The following DCP1B variants were observed in gnomAD, a reference collection of about 807,000 sequenced individuals.
DCP1B encodes the protein mRNA-decapping enzyme 1B.
Under a neutral mutation model 60.5 loss-of-function variants are expected in DCP1B, and 47 were observed. The ratio of observed to expected loss-of-function variants is 0.78; its 90% confidence interval spans 0.61 to 0.99. The LOEUF is 0.99. DCP1B is among the 50% of genes least tolerant of loss of function. The probability of loss-of-function intolerance (pLI) is 0.00; values close to 1 mark genes in which losing one functional copy is unlikely to be tolerated. For missense variants in DCP1B, 725 were observed against 756.8 expected (o/e 0.96, Z 0.49); for synonymous variants, 267 against 280.3 (o/e 0.95, Z 0.47).
intron 3 of DCP1B, among the ~76,000 whole-genome samples, chr12:1,989,340 A>AAGAGC (rs546522826): frequency 6.6e-6 from 1 of 152,298 alleles, no homozygotes; most frequent in South Asian, 2.1e-4. Flanking sequence ...CTTGTCTCTA[A>AAGAGC]AGAGCAGAGC....
At chr12:2,000,354 G>A (rs1290062388) in intron 1 of DCP1B, among the ~76,000 whole-genome samples, 2 of 152,048 alleles carry the variant, frequency 1.3e-5, no homozygotes, top group Non-Finnish European at 2.9e-5. Flanking sequence ...ACCTTGGACT[G>A]TTTCATCTTA....
chr12:1,999,377 T>C (rs1007888760), intron 1 of DCP1B, among the ~76,000 whole-genome samples: 1 of 152,214 alleles, frequency 6.6e-6, no homozygotes, highest in Admixed American at 6.5e-5. Context: ...ACAAAATATT[T>C]AATCTCAAGA....
intron 5 of DCP1B, among the ~76,000 whole-genome samples, chr12:1,956,694 A>G (rs1408994362): frequency 6.6e-6 from 1 of 152,254 alleles, no homozygotes; most frequent in Non-Finnish European, 1.5e-5. Flanking sequence ...GTATGGCGGC[A>G]TGGACCAACT....
chr12:1,976,970 A>C (rs779009760), intron 3 of DCP1B, among the ~76,000 whole-genome samples: 3 of 152,208 alleles, frequency 2.0e-5, no homozygotes, highest in African/African-American at 7.2e-5. Flanking sequence ...AAGATTAGGA[A>C]CTACTATTTG....
intron 5 of DCP1B, among the ~76,000 whole-genome samples, chr12:1,964,577 T>C (rs1324679550): frequency 3.3e-5 from 5 of 152,242 alleles, no homozygotes; most frequent in Non-Finnish European, 7.3e-5. Flanking sequence ...AAATTTCTAA[T>C]ACATTTGGAA....
At chr12:1,951,199 C>T (rs1367731107) in intron 7 of DCP1B, among the ~76,000 whole-genome samples, 11 of 152,064 alleles carry the variant, frequency 7.2e-5, no homozygotes, top group Non-Finnish European at 1.2e-4. Flanking sequence ...CGCCTGAACC[C>T]GGGAGGTGGA....
chr12:1,978,065 G>T (rs1376817518), intron 3 of DCP1B, among the ~76,000 whole-genome samples: 1 of 152,180 alleles, frequency 6.6e-6, no homozygotes, highest in Non-Finnish European at 1.5e-5. Context: ...GAAGTGGAAG[G>T]TTAATTCCTT....
intron 1 of DCP1B, among the ~76,000 whole-genome samples, chr12:2,000,558 C>A (rs969125268): frequency 6.6e-6 from 1 of 151,804 alleles, no homozygotes; most frequent in East Asian, 1.9e-4. Context: ...AAATTAATCT[C>A]TAACTTATAA....
intron 3 of DCP1B, among the ~76,000 whole-genome samples, chr12:1,975,861 C>T (rs774356596): frequency 2.6e-5 from 4 of 152,094 alleles, no homozygotes; most frequent in Non-Finnish European, 2.9e-5. Flanking sequence ...AGGTTCTCTC[C>T]GTGAGTCCCC....
chr12:1,945,111 T>C (rs1458831648), downstream of DCP1B, among the ~76,000 whole-genome samples: 1 of 152,056 alleles, frequency 6.6e-6, no homozygotes, highest in African/African-American at 2.4e-5. Context: ...CATCAAAAAG[T>C]GGGCAAAGTA....
Position 2,004,375 on chromosome 12 carries a change from C to A in DCP1B, c.57G>T (p.Ala19=). The change falls in exon 1 of 9, where the codon GCG becomes GCT. Residue 19 remains alanine, a synonymous_variant. Coordinates refer to ENST00000280665, the MANE Select transcript of DCP1B (RefSeq NM_152640.5). ...LVGKGRDISL[A]ALQRHDPYIN... Reference sequence around the variant, plus strand: ...TATAGGGGTCGTGGCGCTGCAGGGCCGCTAGGCTGATGTCGCGCCCCTTTC... The same window carrying A: ...TATAGGGGTCGTGGCGCTGCAGGGCAGCTAGGCTGATGTCGCGCCCCTTTC... The A allele has an allele frequency of 6.2e-7, 1 of 1,612,954 alleles. No individual in the cohort carries two copies. The highest frequency in any genetic ancestry group is 8.5e-7 in the Non-Finnish European group (1 of 1,179,848).
rs1044875635 is a variant in DCP1B, at chr12:1,962,600, T to G, written c.522+2958A>C. 2.0e-5 allele frequency among the ~76,000 whole-genome samples: 3 copies of G among 152,154 alleles called. No individual in the cohort carries two copies. The highest frequency in any genetic ancestry group is 4.4e-5 in the Non-Finnish European group (3 of 68,028). On this transcript the variant is annotated intron_variant, in intron 5 of 8. Coordinates refer to ENST00000280665, the MANE Select transcript of DCP1B (RefSeq NM_152640.5). The surrounding 1 kb of genome is among the most constrained non-coding windows in gnomAD (Gnocchi z 4.4). ...GCATAATATAGTATAATTAATAAAGTATAACTAATTATTCAACTAGTTGCC... is the reference window on the plus strand; with the variant it reads ...GCATAATATAGTATAATTAATAAAGGATAACTAATTATTCAACTAGTTGCC...
chr12:2,001,049 AAAAAG>A (rs1228312164), intron 1 of DCP1B, among the ~76,000 whole-genome samples: 8 of 152,202 alleles, frequency 5.3e-5, no homozygotes, highest in Admixed American at 3.9e-4. Context: ...AAAAAAAAAA[AAAAAG>A]AGAGATAATC....
At position 2,001,490 on chromosome 12, in the gene DCP1B, C is replaced by T. The variant is rs2042185386; in HGVS notation, c.150+2792G>A. Among the ~76,000 whole-genome samples, 4 of 152,240 alleles carry T rather than the reference C, an allele frequency of 2.6e-5. No individual in the cohort carries two copies. In the South Asian group the frequency reaches 8.3e-4, roughly 32 times the overall value. On this transcript the variant is annotated intron_variant, in intron 1 of 8. Transcript: ENST00000280665. Reference sequence around the variant, plus strand: ...TGGAATATAAAATAGTGCTGTTTTGCAAATTTTGGGGACTCTGCACACTGT... The same window carrying T: ...TGGAATATAAAATAGTGCTGTTTTGTAAATTTTGGGGACTCTGCACACTGT...
chr12:1,969,445 G>T lies in DCP1B; in HGVS notation c.320-1535C>A, dbSNP rs116279875. Among the ~76,000 whole-genome samples the T allele has an allele frequency of 7.8e-3, 1,186 of 152,054 alleles. 11 individuals are homozygous for T. The highest frequency in any genetic ancestry group is 0.026 in the African/African-American group (1,089 of 41,480). On this transcript the variant is annotated intron_variant, in intron 3 of 8. Coordinates refer to ENST00000280665, the MANE Select transcript of DCP1B (RefSeq NM_152640.5). ...TATCTTACCTACCTGCACGTGAAGTGGGGGGGAAGTAGGGGAAAAAATCCC... is the reference window on the plus strand; with the variant it reads ...TATCTTACCTACCTGCACGTGAAGTTGGGGGGAAGTAGGGGAAAAAATCCC...
intron 6 of DCP1B, 65 bp from the exon 7 acceptor site, chr12:1,953,353 G>A: frequency 6.8e-7 from 1 of 1,462,130 alleles, no homozygotes; most frequent in East Asian, 2.3e-5. Flanking sequence ...GAAGTGCTAT[G>A]AAACATAACT....
chr12:2,003,731 C>G (rs1173116646), intron 1 of DCP1B, among the ~76,000 whole-genome samples: 1 of 152,204 alleles, frequency 6.6e-6, no homozygotes, highest in African/African-American at 2.4e-5. Flanking sequence ...GTGTTAGACC[C>G]TGCCCCATTT....
In DCP1B at chr12:1,952,416, C is replaced by A. The variant is rs200865788; in HGVS notation, c.1524G>T (p.Gln508His). ...PNTEQQTPLF[Q>H]VISPQRIPAT... ...TATTTTGCCCCTGGTACATATTTAC[C>A]TGGAAAAGAGGAGTCTGCTGTTCTG... The change falls in exon 7 of 9, where the codon CAG becomes CAT. Residue 508 changes from glutamine (Q) to histidine (H), a missense_variant and splice_region_variant. Transcript: ENST00000280665. The A allele has an allele frequency of 6.4e-7, 1 of 1,566,420 alleles. No homozygotes were observed. Among genetic ancestry groups the A allele is most frequent in the South Asian group, 1.2e-5 (1 of 85,128 alleles).
intron 7 of DCP1B, among the ~76,000 whole-genome samples, chr12:1,951,402 G>A (rs553073245): frequency 1.3e-5 from 2 of 152,320 alleles, no homozygotes; most frequent in East Asian, 3.9e-4. Flanking sequence ...AATCCAAAGG[G>A]AAAACAATTC....
Sources: allele counts gnomAD v4.1 joint callset (sites outside exome capture counted in the v4.1 genomes callset), GRCh38; gene constraint gnomAD v4.1.1; non-coding constraint Gnocchi (gnomAD v3.1); transcripts MANE v1.5; gene names NCBI Gene and HGNC (gene_info 2026-07-23, HGNC 2026-07-21).